Variants in ARHGEF9 observed in about 807,000 individuals in gnomAD.
ARHGEF9 encodes Cdc42 guanine nucleotide exchange factor 9.
ARHGEF9 carries 2 observed loss-of-function variants against 41.3 expected under a neutral mutation model. The observed-to-expected ratio is 0.05, with a 90% CI of 0.02 to 0.15. ARHGEF9 has a LOEUF of 0.15. Ranked by LOEUF, ARHGEF9 falls within the 10% of genes least tolerant of loss-of-function variation. ARHGEF9 has a pLI of 1.00. For missense variants in ARHGEF9, 225 were observed against 424.7 expected, an observed-to-expected ratio of 0.53 and a Z score of 4.13; for synonymous variants, 160 against 154.4, an observed-to-expected ratio of 1.04 and a Z score of -0.27.
chrX:63,699,068 G>T (rs1257349459), intron 3 of ARHGEF9, among the ~76,000 whole-genome samples: 1 of 111,359 alleles, frequency 9.0e-6, no homozygotes, highest in African/African-American at 3.3e-5. Flanking sequence ...GTCTGGGTTG[G>T]TCTGTGCCTG....
At chrX:63,742,806 GA>G (rs1556428206) in intron 1 of ARHGEF9, among the ~76,000 whole-genome samples, 1 of 112,068 alleles carries the variant, frequency 8.9e-6, no homozygotes, top group Non-Finnish European at 1.9e-5. Context: ...TGTATCCCTG[GA>G]CAATGTGATA....
intron 1 of ARHGEF9, among the ~76,000 whole-genome samples, chrX:63,770,680 T>C (rs2056190237): frequency 1.8e-5 from 2 of 111,869 alleles, no homozygotes; most frequent in South Asian, 7.6e-4. Context: ...TGTTCAACGG[T>C]GGGGCCAGGT....
chrX:63,635,352 A>G lies in ARHGEF9; in HGVS notation c.*2676T>C. The stretch of plus-strand genomic sequence containing the variant: ...CCCCACAGCAGGTCCCATTGAACAC[A>G]CTAGCAAAGCCTTTTGGAGAGCAAA... On this transcript the variant is annotated 3_prime_UTR_variant, in exon 10 of 10. Transcript: ENST00000671741. 1.9e-6 allele frequency: 1 copy of G among 522,424 alleles called. No individual in the cohort carries two copies. Among genetic ancestry groups the G allele is most frequent in the Non-Finnish European group, 3.5e-6 (1 of 285,993 alleles). 43.1% of individuals were successfully genotyped at this position (522,424 alleles called of 1,213,427 possible). A position where few individuals can be genotyped will look rare whatever the true frequency, so the allele number is the denominator to read the frequency against.
chrX:63,739,132 T>G (rs1445041924), intron 1 of ARHGEF9, among the ~76,000 whole-genome samples: 3 of 111,678 alleles, frequency 2.7e-5, no homozygotes, highest in African/African-American at 9.8e-5. Context: ...CTCAAATATA[T>G]TTCCTTAGAT....
chrX:63,692,152 A>T (rs1295463774), intron 4 of ARHGEF9, among the ~76,000 whole-genome samples: 1 of 111,949 alleles, frequency 8.9e-6, no homozygotes, highest in East Asian at 2.8e-4. Flanking sequence ...ATGCACAAAG[A>T]CTCTATTGAG....
chrX:63,768,530 A>G (rs1556452897), intron 1 of ARHGEF9, among the ~76,000 whole-genome samples: 2 of 112,224 alleles, frequency 1.8e-5, no homozygotes, highest in Non-Finnish European at 1.9e-5. Context: ...TGGAAGATCT[A>G]CTTTTGGTTC....
At chrX:63,756,442 A>G (rs781996658) in intron 1 of ARHGEF9, among the ~76,000 whole-genome samples, 1 of 112,641 alleles carries the variant, frequency 8.9e-6, no homozygotes, top group East Asian at 2.8e-4. Flanking sequence ...CAACTGATGA[A>G]TGGGTAAACA....
In ARHGEF9 at chrX:63,771,576, T is replaced by C. The variant is rs181674430; in HGVS notation, c.30+13540A>G. 2.1e-4 allele frequency among the ~76,000 whole-genome samples: 23 copies of C among 111,160 alleles called. 1 individual carries two copies. The East Asian group carries it at 5.9e-3, about 29-fold the overall frequency. Reference sequence around the variant, plus strand: ...CTTCATCCAGTCAGTTGAAGAACTTTTTTTTTTTGAGACAGAGTCTCATTC... The same window carrying C: ...CTTCATCCAGTCAGTTGAAGAACTTCTTTTTTTTGAGACAGAGTCTCATTC... On this transcript the variant is annotated intron_variant, in intron 1 of 9. Transcript: ENST00000671741.
intron 3 of ARHGEF9, among the ~76,000 whole-genome samples, chrX:63,705,207 CTTTGAAAAATGTTGGAGCTGTA>C (rs1300347250): frequency 1.8e-5 from 2 of 111,230 alleles, no homozygotes; most frequent in African/African-American, 3.3e-5. Flanking sequence ...GAAATAAGAA[CTTTGAAAAATGTTGGAGCTGTA>C]CTACTGACTC....
intron 4 of ARHGEF9, among the ~76,000 whole-genome samples, chrX:63,683,787 A>T (rs2050807088): frequency 9.0e-6 from 1 of 111,557 alleles, no homozygotes; most frequent in African/African-American, 3.3e-5. Flanking sequence ...AAAACTGGAT[A>T]TCTATATGCA....
At chrX:63,646,289 C>T (rs2048059596) in intron 8 of ARHGEF9, among the ~76,000 whole-genome samples, 1 of 112,141 alleles carries the variant, frequency 8.9e-6, no homozygotes, top group Admixed American at 9.5e-5. Context: ...GTGTTTTAGA[C>T]ATGAAGTCCT....
chrX:63,655,453 CT>C, intron 8 of ARHGEF9, 40 bp downstream of exon 8: 4 of 1,209,677 alleles, frequency 3.3e-6, no homozygotes, highest in Non-Finnish European at 4.5e-6. Flanking sequence ...CTCCTATGTT[CT>C]TCATAGCCAT....
chrX:63,753,760 T>C (rs1398914703), intron 1 of ARHGEF9, among the ~76,000 whole-genome samples: 1 of 111,759 alleles, frequency 8.9e-6, no homozygotes, highest in Non-Finnish European at 1.9e-5. Context: ...AAATGTGGCT[T>C]CTTTCAAAAT....
At chrX:63,641,123 G>A (rs1230807107) in intron 9 of ARHGEF9, 5 of 110,809 alleles carry the variant, frequency 4.5e-5, no homozygotes, top group Non-Finnish European at 9.4e-5. Context: ...AGGACGAGGC[G>A]AGGGGATCAC....
chrX:63,735,246 G>T (rs1436028132), intron 1 of ARHGEF9, among the ~76,000 whole-genome samples: 1 of 111,814 alleles, frequency 8.9e-6, no homozygotes, highest in Non-Finnish European at 1.9e-5. Context: ...ATTTCTTCAT[G>T]TAGTCGCCTT....
chrX:63,641,660 C>A, intron 9 of ARHGEF9: 1 of 113,401 alleles, frequency 8.8e-6, no homozygotes. Flanking sequence ...CTTGAGGAAC[C>A]CAGGCTTGGA....
At chrX:63,692,605 C>A (rs1183475348) in intron 4 of ARHGEF9, among the ~76,000 whole-genome samples, 1 of 112,007 alleles carries the variant, frequency 8.9e-6, no homozygotes, top group Non-Finnish European at 1.9e-5. Context: ...TCATACACTG[C>A]TGATCGGAAT....
intron 3 of ARHGEF9, among the ~76,000 whole-genome samples, chrX:63,698,143 T>C (rs1255111582): frequency 2.8e-5 from 3 of 105,944 alleles, no homozygotes; most frequent in Non-Finnish European, 5.8e-5. Context: ...AAATATATCA[T>C]ATATATATAT....
In ARHGEF9 at chrX:63,711,074, AAAG is replaced by A. The variant is rs782037423; in HGVS notation, c.211-4628_211-4626del. On this transcript the variant is annotated intron_variant, in intron 2 of 9. Coordinates refer to ENST00000671741, the MANE Select transcript of ARHGEF9 (RefSeq NM_001353921.2). ...AGAAAATGATCACATTTAAATAGGA[AAAG>A]AAAGAATACATAGGAATAAATTTAA... 3.3e-4 allele frequency among the ~76,000 whole-genome samples: 37 copies of A among 112,098 alleles called. No individual in the cohort carries two copies. In the South Asian group the frequency reaches 0.013, roughly 40 times the overall value.
Sources: gnomAD v4.1 joint callset for allele counts (sites outside exome capture counted in the v4.1 genomes callset) on GRCh38, gnomAD v4.1.1 for gene constraint, MANE v1.5 for transcripts, NCBI Gene and HGNC (gene_info 2026-07-23, HGNC 2026-07-21) for gene names.